UBE2E2: variants seen among roughly 807,000 people sequenced by gnomAD.
UBE2E2 encodes the protein ubiquitin-conjugating enzyme E2 E2.
In UBE2E2, 6 loss-of-function variants were observed where a neutral mutation model predicts 24.7. The ratio of observed to expected loss-of-function variants is 0.24; its 90% CI spans 0.13 to 0.48. The LOEUF is 0.48. Ranked by LOEUF, UBE2E2 falls within the 20% of genes least tolerant of loss-of-function variation. UBE2E2 has a pLI of 0.99. For missense variants in UBE2E2, 169 were observed against 245.0 expected, an observed-to-expected ratio of 0.69 and a Z score of 2.07; for synonymous variants, 104 against 83.6, an observed-to-expected ratio of 1.24 and a Z score of -1.33.
At chr3:23,514,373 A>G (rs554301878) in intron 4 of UBE2E2, among the ~76,000 whole-genome samples, 3 of 152,308 alleles carry the variant, frequency 2.0e-5, no homozygotes, top group Admixed American at 2.0e-4. Flanking sequence ...GAAGCAAATG[A>G]ATATTCATTT....
chr3:23,473,292 AT>A (rs1699064513), intron 3 of UBE2E2, among the ~76,000 whole-genome samples: 1 of 151,994 alleles, frequency 6.6e-6, no homozygotes, highest in African/African-American at 2.4e-5. Context: ...GAACATTAAT[AT>A]TTTCTTAATG....
rs539578102 is a variant in UBE2E2 at position 23,556,267 on chromosome 3, C to G, written c.508+23566C>G. On this transcript the variant is annotated intron_variant, in intron 5 of 5. Coordinates refer to ENST00000396703, the MANE Select transcript of UBE2E2 (RefSeq NM_152653.4). ...TCAAGCGATTCTTCTGCCTCAAGCT[C>G]CTGAGTAGCTGGGACTACAGGCGTG... is the stretch of plus-strand genomic sequence containing the variant. Among the ~76,000 whole-genome samples, 5 of 149,548 alleles carry G rather than the reference C, an allele frequency of 3.3e-5. No homozygotes were observed. The East Asian group carries it at 7.9e-4, about 24-fold the overall frequency.
At chr3:23,565,589 C>T (rs1255784860) in intron 5 of UBE2E2, among the ~76,000 whole-genome samples, 1 of 151,440 alleles carries the variant, frequency 6.6e-6, no homozygotes, top group South Asian at 2.1e-4. Flanking sequence ...AGGGAAGCTG[C>T]AGGAAGCAGA....
intron 3 of UBE2E2, among the ~76,000 whole-genome samples, chr3:23,273,261 C>T (rs1352993500): frequency 2.0e-5 from 3 of 152,178 alleles, no homozygotes; most frequent in Admixed American, 6.5e-5. Flanking sequence ...ATGATGGGGC[C>T]GGGCGCAGTG....
At chr3:23,330,429 C>T (rs1695029276) in intron 3 of UBE2E2, among the ~76,000 whole-genome samples, 1 of 152,136 alleles carries the variant, frequency 6.6e-6, no homozygotes, top group African/African-American at 2.4e-5. Flanking sequence ...TGGCAGAATA[C>T]ATTTATTCTA....
At chr3:23,496,190 G>A (rs900415724) in intron 3 of UBE2E2, among the ~76,000 whole-genome samples, 1 of 152,106 alleles carries the variant, frequency 6.6e-6, no homozygotes, top group African/African-American at 2.4e-5. Flanking sequence ...GGATCACATT[G>A]TACATATGCA....
chr3:23,476,976 C>G (rs1207764993), intron 3 of UBE2E2, among the ~76,000 whole-genome samples: 2 of 152,106 alleles, frequency 1.3e-5, no homozygotes, highest in South Asian at 2.1e-4. Flanking sequence ...TGAAAATATT[C>G]TCTATCTTTA....
At chr3:23,485,887 T>C (rs1281459510) in intron 3 of UBE2E2, among the ~76,000 whole-genome samples, 1 of 152,194 alleles carries the variant, frequency 6.6e-6, no homozygotes, top group Admixed American at 6.5e-5. Context: ...TCTTACTGTT[T>C]CCATGGTATA....
intron 1 of UBE2E2, among the ~76,000 whole-genome samples, chr3:23,204,029 C>T (rs1401326884): frequency 6.6e-6 from 1 of 151,850 alleles, no homozygotes; most frequent in Non-Finnish European, 1.5e-5. Flanking sequence ...TTTTGTGATG[C>T]CTGGCGCTTG....
intron 4 of UBE2E2, among the ~76,000 whole-genome samples, chr3:23,501,608 T>C (rs549022686): frequency 5.9e-5 from 9 of 152,320 alleles, no homozygotes; most frequent in Middle Eastern, 3.4e-3. Context: ...GAATGCTTTA[T>C]CTGTCCTCAC....
intron 3 of UBE2E2, among the ~76,000 whole-genome samples, chr3:23,267,400 A>G (rs1360988003): frequency 6.6e-6 from 1 of 152,204 alleles, no homozygotes; most frequent in African/African-American, 2.4e-5. Flanking sequence ...AGAAATACAG[A>G]CTACCATCAG....
At chr3:23,205,038 T>G (rs969665407) in intron 1 of UBE2E2, among the ~76,000 whole-genome samples, 2 of 152,214 alleles carry the variant, frequency 1.3e-5, no homozygotes, top group Non-Finnish European at 2.9e-5. Flanking sequence ...GTGAGTTTCA[T>G]TCACTGTATG....
At chr3:23,409,809 T>C (rs1697456944) in intron 3 of UBE2E2, among the ~76,000 whole-genome samples, 1 of 152,154 alleles carries the variant, frequency 6.6e-6, no homozygotes, top group African/African-American at 2.4e-5. Flanking sequence ...TGTCTTCTGG[T>C]GGCTGCTAGA....
chr3:23,313,512 G>T (rs559261622), intron 3 of UBE2E2, among the ~76,000 whole-genome samples: 1 of 151,072 alleles, frequency 6.6e-6, no homozygotes, highest in South Asian at 2.1e-4. Flanking sequence ...AGCTTCCTGA[G>T]TAGCTGGGAT....
chr3:23,292,034 AT>A (rs1327605848), intron 3 of UBE2E2, among the ~76,000 whole-genome samples: 1 of 151,454 alleles, frequency 6.6e-6, no homozygotes. Flanking sequence ...AATTTTTTGT[AT>A]TTTTAGTAGA....
At chr3:23,319,515 T>G (rs1575558414) in intron 3 of UBE2E2, among the ~76,000 whole-genome samples, 2 of 152,158 alleles carry the variant, frequency 1.3e-5, no homozygotes, top group African/African-American at 4.8e-5. Flanking sequence ...ATTTAATTCT[T>G]ACAACAATCC....
intron 3 of UBE2E2, among the ~76,000 whole-genome samples, chr3:23,480,555 C>T (rs1699236280): frequency 6.6e-6 from 1 of 151,844 alleles, no homozygotes; most frequent in African/African-American, 2.4e-5. Context: ...GCCTCCCCCA[C>T]TACAGCTGGC....
intron 3 of UBE2E2, among the ~76,000 whole-genome samples, chr3:23,491,154 T>C (rs150095680): frequency 2.0e-5 from 3 of 152,228 alleles, no homozygotes; most frequent in African/African-American, 7.2e-5. Flanking sequence ...ACTTTGGCAG[T>C]ATTGGTTTTT....
At position 23,556,717 on chromosome 3, in the gene UBE2E2, C is replaced by T. The variant is rs1424753814; in HGVS notation, c.508+24016C>T. ...CTGTTTTGCCTCACACATGACTTTA[C>T]AATGTGTAAATCAGGAATCCAGCAT... On this transcript the variant is annotated intron_variant, in intron 5 of 5. Transcript: ENST00000396703. 2.0e-5 allele frequency among the ~76,000 whole-genome samples: 3 copies of T among 152,232 alleles called. No individual in the cohort carries two copies. In the South Asian group the frequency reaches 6.2e-4, roughly 32 times the overall value.
Sources: allele counts gnomAD v4.1 joint callset (sites outside exome capture counted in the v4.1 genomes callset), GRCh38; gene constraint gnomAD v4.1.1; transcripts MANE v1.5; gene names NCBI Gene and HGNC (gene_info 2026-07-23, HGNC 2026-07-21).